RAP1GAP2: variants seen among roughly 807,000 people sequenced by gnomAD.
The protein encoded by RAP1GAP2 is rap1 GTPase-activating protein 2.
In RAP1GAP2, 27 loss-of-function variants were observed where a neutral mutation model predicts 95.0. The ratio of observed to expected loss-of-function variants is 0.28; its 90% CI spans 0.21 to 0.39. The LOEUF (loss-of-function observed/expected upper bound fraction) is 0.39, where lower values mean the gene tolerates loss of function less well. Ranked by LOEUF, RAP1GAP2 falls within the 10% of genes least tolerant of loss-of-function variation. The pLI is 1.00. For missense variants in RAP1GAP2, 771 were observed against 970.0 expected (o/e 0.79, Z 2.72); for synonymous variants, 373 against 380.9 (o/e 0.98, Z 0.24).
intron 2 of RAP1GAP2, among the ~76,000 whole-genome samples, chr17:2,848,418 T>C (rs2071678290): frequency 6.6e-6 from 1 of 151,864 alleles, no homozygotes; most frequent in South Asian, 2.1e-4. Context: ...GGGCTGGTCA[T>C]GGGTTCTGTG....
chr17:2,916,513 T>C (rs780818964), intron 3 of RAP1GAP2, among the ~76,000 whole-genome samples: 17 of 152,232 alleles, frequency 1.1e-4, no homozygotes, highest in Non-Finnish European at 2.4e-4. Context: ...GGATGTGGGC[T>C]CAGGTTTGTC....
chr17:2,934,707 A>G (rs139755930), intron 3 of RAP1GAP2, among the ~76,000 whole-genome samples: 84 of 152,326 alleles, frequency 5.5e-4, no homozygotes, highest in African/African-American at 2.0e-3. Flanking sequence ...CTCATGAGCA[A>G]TAGCACACCG....
At chr17:2,981,911 C>T (rs997700662) in intron 10 of RAP1GAP2, among the ~76,000 whole-genome samples, 2 of 152,130 alleles carry the variant, frequency 1.3e-5, no homozygotes, top group Non-Finnish European at 2.9e-5. Flanking sequence ...AGGAAAAGAC[C>T]CAGTGCATCG....
intron 3 of RAP1GAP2, among the ~76,000 whole-genome samples, chr17:2,940,618 A>T (rs183696169): frequency 1.3e-5 from 2 of 152,308 alleles, no homozygotes; most frequent in East Asian, 3.9e-4. Context: ...TGTGAGGCCC[A>T]GCGAGGAGAG....
At position 2,959,534 on chromosome 17, in the gene RAP1GAP2, C is replaced by T. The variant is rs531882811; in HGVS notation, c.201+1740C>T. 2.9e-3 allele frequency among the ~76,000 whole-genome samples: 449 copies of T among 152,282 alleles called. 1 individual carries two copies. Among genetic ancestry groups the T allele is most frequent in the Non-Finnish European group, 5.3e-3 (359 of 68,014 alleles). On this transcript the variant is annotated intron_variant, in intron 4 of 24. Coordinates refer to ENST00000254695, the MANE Select transcript of RAP1GAP2 (RefSeq NM_015085.5). ...GGGGCACTGCTGGCCATGGAGTGCC[C>T]GCGTGGGCCTTGAGCCTGGGCTCCA...
chr17:2,928,508 C>G (rs908762389), intron 3 of RAP1GAP2, among the ~76,000 whole-genome samples: 1 of 152,114 alleles, frequency 6.6e-6, no homozygotes, highest in Non-Finnish European at 1.5e-5. Context: ...GCACTGCCTT[C>G]TGCTCAGATG....
chr17:2,781,798 G>GTC (rs2068663336), intron 1 of RAP1GAP2, among the ~76,000 whole-genome samples: 1 of 126,358 alleles, frequency 7.9e-6, no homozygotes, highest in Non-Finnish European at 1.6e-5. Context: ...GTGTGTGCAC[G>GTC]TCTGTGTGTG....
chr17:3,022,999 C>T (rs908119400), intron 19 of RAP1GAP2, among the ~76,000 whole-genome samples: 6 of 152,116 alleles, frequency 3.9e-5, no homozygotes, highest in African/African-American at 1.4e-4. Flanking sequence ...TTCTTGGCAC[C>T]TTTGTTGAAA....
At chr17:2,793,574 A>C (rs1156500716), upstream of RAP1GAP2, among the ~76,000 whole-genome samples, 5 of 152,236 alleles carry the variant, frequency 3.3e-5, no homozygotes, top group Non-Finnish European at 7.3e-5. Context: ...CTTGGCCTAG[A>C]GCAGGTGTTG....
chr17:2,826,874 C>T (rs1411514239), intron 2 of RAP1GAP2, among the ~76,000 whole-genome samples: 7 of 151,924 alleles, frequency 4.6e-5, no homozygotes, highest in Non-Finnish European at 7.4e-5. Context: ...GGCGTGGTGG[C>T]GTACGCCTGT....
chr17:2,876,338 A>C (rs1303043618), intron 2 of RAP1GAP2, among the ~76,000 whole-genome samples: 1 of 152,188 alleles, frequency 6.6e-6, no homozygotes, highest in Non-Finnish European at 1.5e-5. Context: ...GGAGATCCCG[A>C]GAACAAGTGC....
rs185439461 is a variant in RAP1GAP2, at chr17:3,011,017, C to G, written c.1494+2872C>G. Among the ~76,000 whole-genome samples the G allele has an allele frequency of 2.0e-5, 3 of 152,198 alleles. No homozygotes were observed. In the East Asian group the frequency reaches 5.8e-4, roughly 29 times the overall value. ...TCTTGGCTCACTGCAACCTCTGCCT[C>G]CCGGGTTCAAGTGATTATCCTACCT... On this transcript the variant is annotated intron_variant, in intron 17 of 24. Transcript: ENST00000254695.
Position 3,031,011 on chromosome 17 carries a change from C to T in RAP1GAP2, c.2184+13C>T, listed in dbSNP as rs749689594. ...CAGCTCTGGTGCGGTAAGGATGCGCCTCCCACACCCCACACTCCACTTTCT... is the reference window on the plus strand; with the variant it reads ...CAGCTCTGGTGCGGTAAGGATGCGCTTCCCACACCCCACACTCCACTTTCT... On this transcript the variant is annotated intron_variant, in intron 23 of 24. Coordinates refer to ENST00000254695, the MANE Select transcript of RAP1GAP2 (RefSeq NM_015085.5). The T allele has an allele frequency of 1.3e-6, 2 of 1,586,550 alleles. No individual in the cohort carries two copies. Among genetic ancestry groups the T allele is most frequent in the East Asian group, 4.5e-5 (2 of 44,006 alleles).
At chr17:2,914,187 A>G (rs577242192) in intron 3 of RAP1GAP2, among the ~76,000 whole-genome samples, 20 of 151,872 alleles carry the variant, frequency 1.3e-4, no homozygotes, top group African/African-American at 4.6e-4. Flanking sequence ...GACTGTTTAT[A>G]TGAAACTGCT....
intron 13 of RAP1GAP2, among the ~76,000 whole-genome samples, chr17:2,995,761 GT>G (rs1015790234): frequency 6.6e-6 from 1 of 152,138 alleles, no homozygotes; most frequent in African/African-American, 2.4e-5. Flanking sequence ...GCAGCCCATG[GT>G]GGTGACAAGA....
At chr17:2,860,403 C>T (rs1370630646) in intron 2 of RAP1GAP2, among the ~76,000 whole-genome samples, 1 of 152,066 alleles carries the variant, frequency 6.6e-6, no homozygotes, top group East Asian at 1.9e-4. Context: ...GTTGAAGGGA[C>T]AGAATGTGAG....
chr17:2,948,549 T>A (rs1041606089), intron 3 of RAP1GAP2, among the ~76,000 whole-genome samples: 5 of 89,156 alleles, frequency 5.6e-5, no homozygotes, highest in Admixed American at 3.8e-4. Flanking sequence ...AGGGTGGTGA[T>A]GAGATGGAGA....
At chr17:2,967,099 T>C (rs1291702642) in intron 8 of RAP1GAP2, among the ~76,000 whole-genome samples, 3 of 152,168 alleles carry the variant, frequency 2.0e-5, no homozygotes, top group Non-Finnish European at 4.4e-5. Context: ...CCAGGCACGG[T>C]GGCTCACGCC....
intron 8 of RAP1GAP2, among the ~76,000 whole-genome samples, chr17:2,972,411 C>G (rs1337495894): frequency 6.6e-6 from 1 of 151,990 alleles, no homozygotes; most frequent in East Asian, 1.9e-4. Flanking sequence ...GAGTGGATCA[C>G]CTGAGGTCAG....
Sources: allele counts gnomAD v4.1 joint callset (sites outside exome capture counted in the v4.1 genomes callset), GRCh38; gene constraint gnomAD v4.1.1; transcripts MANE v1.5; gene names NCBI Gene and HGNC (gene_info 2026-07-23, HGNC 2026-07-21).